Variants in KCND2 observed in about 807,000 individuals in gnomAD.
KCND2 encodes the protein potassium voltage-gated channel subfamily D member 2.
KCND2 carries 16 observed loss-of-function variants against 54.4 expected under a neutral mutation model. That is an observed-to-expected ratio of 0.29 (90% CI 0.20 to 0.45). The LOEUF is 0.45. Ranked by LOEUF, KCND2 falls within the 20% of genes least tolerant of loss-of-function variation. The pLI, the probability that KCND2 is intolerant of heterozygous loss-of-function variation, is 1.00. For missense variants in KCND2, 486 were observed against 824.2 expected (o/e 0.59, Z 5.02); for synonymous variants, 317 against 310.7 (o/e 1.02, Z -0.21).
At chr7:120,509,834 A>C (rs1380847524) in intron 1 of KCND2, among the ~76,000 whole-genome samples, 1 of 152,080 alleles carries the variant, frequency 6.6e-6, no homozygotes, top group African/African-American at 2.4e-5. Context: ...TCCTTCAATA[A>C]GGAATACAAT....
intron 1 of KCND2, among the ~76,000 whole-genome samples, chr7:120,286,544 T>C (rs189739496): frequency 2.0e-5 from 3 of 152,108 alleles, no homozygotes; most frequent in East Asian, 3.9e-4. Flanking sequence ...GTATTAAATA[T>C]AGTACATATT....
intron 1 of KCND2, among the ~76,000 whole-genome samples, chr7:120,523,703 T>A (rs809078): frequency 0.24 from 30,777 of 129,786 alleles, 5,313 homozygotes; most frequent in African/African-American, 0.53. Context: ...ACACACACAC[T>A]CTGTGTGTGT....
chr7:120,454,705 T>C (rs1802168758), intron 1 of KCND2, among the ~76,000 whole-genome samples: 1 of 151,554 alleles, frequency 6.6e-6, no homozygotes. Flanking sequence ...ATTCTAGGAA[T>C]AAAAGGCATC....
intron 1 of KCND2, among the ~76,000 whole-genome samples, chr7:120,448,153 A>G (rs1006523221): frequency 6.6e-6 from 1 of 151,906 alleles, no homozygotes; most frequent in Admixed American, 6.6e-5. Context: ...TACATTAGGT[A>G]TATCTCCTAA....
At chr7:120,561,599 T>A (rs993303135) in intron 1 of KCND2, among the ~76,000 whole-genome samples, 82 of 3,482 alleles carry the variant, frequency 0.024, no homozygotes, top group African/African-American at 0.063. Context: ...AGCTACCTGA[T>A]TTTTTTTTTT....
intron 1 of KCND2, among the ~76,000 whole-genome samples, chr7:120,311,670 C>T (rs961240744): frequency 2.6e-5 from 4 of 152,048 alleles, no homozygotes; most frequent in Non-Finnish European, 5.9e-5. Context: ...TTTCATCATC[C>T]AGGTATTAAG....
chr7:120,740,418 G>T (rs1004220779), intron 2 of KCND2, among the ~76,000 whole-genome samples: 12 of 152,052 alleles, frequency 7.9e-5, no homozygotes, highest in African/African-American at 2.9e-4. Context: ...GGAAAAAGAA[G>T]AAGTTTTGTG....
intron 1 of KCND2, among the ~76,000 whole-genome samples, chr7:120,434,223 A>C (rs987762652): frequency 6.6e-6 from 1 of 152,228 alleles, no homozygotes; most frequent in Non-Finnish European, 1.5e-5. Flanking sequence ...CGTGGTTATG[A>C]GGCCAAACTT....
chr7:120,381,992 G>A (rs552997989), intron 1 of KCND2, among the ~76,000 whole-genome samples: 6 of 150,848 alleles, frequency 4.0e-5, no homozygotes, highest in South Asian at 2.1e-4. Context: ...TGGTAGTTTC[G>A]TGTGGTTTAT....
At position 120,579,696 on chromosome 7, in the gene KCND2, C is replaced by CT. The variant is rs1245999735; in HGVS notation, c.1116-153199dup. Among the ~76,000 whole-genome samples, 11 of 150,758 alleles carry CT rather than the reference C, an allele frequency of 7.3e-5. No individual in the cohort carries two copies. In the East Asian group the frequency reaches 7.8e-4, roughly 11 times the overall value. ...TGTCCTTTAAAATCTCCCACTGTTT[C>CT]TTTTTTTTAAAAAAAATCATTATTA... On this transcript the variant is annotated intron_variant, in intron 1 of 5. Transcript: ENST00000331113.
intron 1 of KCND2, among the ~76,000 whole-genome samples, chr7:120,582,940 C>CTGTGTGTGTA (rs1491542367): frequency 3.9e-5 from 5 of 129,502 alleles, no homozygotes; most frequent in African/African-American, 1.4e-4. Context: ...GTTTGCATTG[C>CTGTGTGTGTA]TCTGTGTGTG....
chr7:120,749,139 G>C lies in KCND2; in HGVS notation c.*1281G>C, dbSNP rs1793042510. On this transcript the variant is annotated 3_prime_UTR_variant, in exon 6 of 6. Transcript: ENST00000331113. The stretch of plus-strand genomic sequence containing the variant: ...CATTATTTATTTTGCTTTAGATCTT[G>C]AATACATTTTGAGAATAACTAATGT... 6.6e-6 allele frequency: 1 copy of C among 151,880 alleles called. No homozygotes were observed. Among genetic ancestry groups the C allele is most frequent in the Admixed American group, 6.6e-5 (1 of 15,214 alleles). The allele number at this position is 151,880 out of a possible 1,614,324, so 9.4% of individuals were successfully genotyped here.
intron 1 of KCND2, among the ~76,000 whole-genome samples, chr7:120,488,947 C>T (rs1362184215): frequency 1.3e-5 from 2 of 152,022 alleles, no homozygotes; most frequent in Admixed American, 1.3e-4. Context: ...CAATTTTCTC[C>T]TACCATTTCA....
intron 1 of KCND2, among the ~76,000 whole-genome samples, chr7:120,503,119 A>G (rs1802960684): frequency 1.3e-5 from 2 of 152,126 alleles, no homozygotes; most frequent in Admixed American, 6.6e-5. Flanking sequence ...AATATAATCT[A>G]CTGAACTTCA....
At chr7:120,738,727 A>C (rs1792904347) in intron 2 of KCND2, among the ~76,000 whole-genome samples, 1 of 152,056 alleles carries the variant, frequency 6.6e-6, no homozygotes, top group South Asian at 2.1e-4. Context: ...TTACCAGCAG[A>C]TGGCTTTCTT....
rs184753721 is a variant in KCND2, at chr7:120,746,337, C to G, written c.1715+310C>G. Among the ~76,000 whole-genome samples the G allele has an allele frequency of 1.4e-4, 22 of 152,182 alleles. No homozygotes were observed. In the East Asian group the frequency reaches 3.9e-3, roughly 27 times the overall value. ...GGCAAGGACTTTTATACTCAGGAGT[C>G]TCTTATATATTCAATAGTCTGAAAT... On this transcript the variant is annotated intron_variant, in intron 5 of 5. Transcript: ENST00000331113.
chr7:120,529,560 C>T (rs536466122), intron 1 of KCND2, among the ~76,000 whole-genome samples: 7 of 152,264 alleles, frequency 4.6e-5, no homozygotes, highest in East Asian at 3.9e-4. Flanking sequence ...ACTCTGCCAT[C>T]GGGATTATTT....
At chr7:120,654,757 G>A (rs949808564) in intron 1 of KCND2, among the ~76,000 whole-genome samples, 3 of 152,114 alleles carry the variant, frequency 2.0e-5, no homozygotes, top group African/African-American at 7.2e-5. Flanking sequence ...GTGCACAACT[G>A]TGTATGGAGT....
At chr7:120,545,875 A>T (rs1388223601) in intron 1 of KCND2, among the ~76,000 whole-genome samples, 1 of 151,844 alleles carries the variant, frequency 6.6e-6, no homozygotes, top group Non-Finnish European at 1.5e-5. Flanking sequence ...TTCAAAAAAA[A>T]AAGAAGAAGA....
Sources: allele counts gnomAD v4.1 joint callset (sites outside exome capture counted in the v4.1 genomes callset), GRCh38; gene constraint gnomAD v4.1.1; transcripts MANE v1.5; gene names NCBI Gene and HGNC (gene_info 2026-07-23, HGNC 2026-07-21).